DDX60L: variants seen among roughly 807,000 people sequenced by gnomAD.
DDX60L encodes the protein DExD/H-box 60 like.
DDX60L carries 191 observed loss-of-function variants against 211.6 expected under a neutral mutation model. That is an observed-to-expected ratio of 0.90 (90% confidence interval 0.80 to 1.02). DDX60L has a LOEUF of 1.02. Among genes scored for constraint, DDX60L ranks in the 50% least tolerant of loss-of-function variants. The probability of loss-of-function intolerance (pLI) is 0.00; values close to 1 mark genes in which losing one functional copy is unlikely to be tolerated. For synonymous variants in DDX60L, 706 were observed against 694.1 expected (o/e 1.02, Z -0.27); for missense variants, 2,007 against 1,984.1 (o/e 1.01, Z -0.22).
At chr4:168,396,439 C>T (rs1032706040) in intron 26 of DDX60L, among the ~76,000 whole-genome samples, 4 of 152,124 alleles carry the variant, frequency 2.6e-5, no homozygotes, top group East Asian at 1.9e-4. Flanking sequence ...GGCCAGAGCA[C>T]AGTGGAAAAG....
intron 4 of DDX60L, 140 bp downstream of exon 4, chr4:168,471,607 G>C: frequency 6.8e-6 from 4 of 591,864 alleles, no homozygotes; most frequent in Non-Finnish European, 1.1e-5. Context: ...TGAAATTATG[G>C]GTAATTTTTT....
intron 4 of DDX60L, among the ~76,000 whole-genome samples, chr4:168,464,075 G>A (rs996357060): frequency 3.3e-5 from 5 of 152,110 alleles, no homozygotes; most frequent in Admixed American, 6.6e-5. Flanking sequence ...AGATGGTTGA[G>A]GGAAGTCTCC....
intron 8 of DDX60L, among the ~76,000 whole-genome samples, chr4:168,451,068 G>T (rs1414383004): frequency 6.6e-6 from 1 of 152,054 alleles, no homozygotes; most frequent in South Asian, 2.1e-4. Flanking sequence ...TGAACTCTAA[G>T]ATATCATATT....
chr4:168,363,865 C>T (rs2634935), intron 36 of DDX60L, among the ~76,000 whole-genome samples: 109,964 of 152,106 alleles, frequency 0.72, 40,792 homozygotes, highest in East Asian at 0.85. Flanking sequence ...CTTATAATTA[C>T]CTCGAAAATA....
chr4:168,429,989 G>A (rs62334149), intron 13 of DDX60L, among the ~76,000 whole-genome samples: 17,306 of 152,208 alleles, frequency 0.11, 1,392 homozygotes, highest in Non-Finnish European at 0.16. Context: ...CCTGAGGTCG[G>A]GAGTTCGAGA....
At chr4:168,394,358 C>T in intron 28 of DDX60L, 107 bp downstream of exon 28, 1 of 783,902 alleles carries the variant, frequency 1.3e-6, no homozygotes, top group Non-Finnish European at 2.0e-6. Context: ...AATAAAAAGA[C>T]ACTGGTTAGA....
chr4:168,425,181 C>CT (rs1406669244), intron 14 of DDX60L, among the ~76,000 whole-genome samples: 1 of 152,152 alleles, frequency 6.6e-6, no homozygotes, highest in Non-Finnish European at 1.5e-5. Flanking sequence ...AATAAACTAT[C>CT]TTTTTTAAGC....
chr4:168,421,654 C>CA (rs1380928154), intron 17 of DDX60L, 106 bp downstream of exon 17: 16 of 1,470,236 alleles, frequency 1.1e-5, no homozygotes, highest in African/African-American at 1.4e-5. Context: ...GACTCTGTCT[C>CA]AAAAATAAAA....
intron 8 of DDX60L, among the ~76,000 whole-genome samples, chr4:168,449,059 C>T (rs905041641): frequency 1.3e-5 from 2 of 152,156 alleles, no homozygotes; most frequent in Non-Finnish European, 2.9e-5. Flanking sequence ...GATGACAATA[C>T]TAACACCTTT....
intron 10 of DDX60L, among the ~76,000 whole-genome samples, chr4:168,433,494 T>C (rs997170009): frequency 6.6e-6 from 1 of 152,130 alleles, no homozygotes; most frequent in Non-Finnish European, 1.5e-5. Flanking sequence ...AAAGCCTCCA[T>C]GAAAATTAAA....
rs772468690 is a variant in DDX60L, at chr4:168,419,349, G to A, written c.2563C>T (p.His855Tyr). Residue 855 changes from histidine to tyrosine, a missense_variant, in exon 19 of 38, where the codon CAT (histidine) becomes TAT (tyrosine). Physicochemically the swap from His to Tyr is moderately conservative, Grantham distance 83. Coordinates refer to ENST00000682922, the MANE Select transcript of DDX60L (RefSeq NM_001012967.3). ...ATCCTTTCCACCCATTTTTGGCGAT[G>A]AGGAGCAAGCAACAGGATTTCAAAA... Reference protein sequence around the residue: ...ECFEILLLAPHRQKWVERIRY... With the variant: ...ECFEILLLAPYRQKWVERIRY... The A allele has an allele frequency of 1.9e-6, 3 of 1,599,280 alleles. No homozygotes were observed. The highest frequency in any genetic ancestry group is 2.2e-5 in the East Asian group (1 of 44,616).
intron 33 of DDX60L, among the ~76,000 whole-genome samples, chr4:168,378,125 T>C (rs1318107383): frequency 6.6e-6 from 1 of 152,222 alleles, no homozygotes; most frequent in Non-Finnish European, 1.5e-5. Flanking sequence ...AATTACATAA[T>C]TTGCTCCAAT....
intron 19 of DDX60L, among the ~76,000 whole-genome samples, chr4:168,418,988 T>C (rs1750025924): frequency 6.6e-6 from 1 of 152,246 alleles, no homozygotes; most frequent in Admixed American, 6.5e-5. Context: ...GACATATCTA[T>C]AGAATCTCTC....
chr4:168,472,382 T>C (rs1319817847), intron 3 of DDX60L, 73 bp downstream of exon 3: 2 of 1,127,846 alleles, frequency 1.8e-6, no homozygotes, highest in African/African-American at 3.1e-5. Context: ...TATATGTATA[T>C]GGGTTAAGAG....
chr4:168,402,738 G>C (rs116346157), intron 25 of DDX60L, among the ~76,000 whole-genome samples: 3 of 152,084 alleles, frequency 2.0e-5, no homozygotes, highest in Non-Finnish European at 2.9e-5. Flanking sequence ...GTCCAGATTA[G>C]GGAAGGGAAG....
chr4:168,363,210 C>T (rs1379563287), intron 36 of DDX60L, among the ~76,000 whole-genome samples: 1 of 152,120 alleles, frequency 6.6e-6, no homozygotes, highest in Admixed American at 6.5e-5. Context: ...TCCAGGAAAG[C>T]TATCCTTCAG....
At chr4:168,406,571 C>T in intron 23 of DDX60L, 31 bp downstream of exon 23, 1 of 1,492,876 alleles carries the variant, frequency 6.7e-7, no homozygotes, top group Non-Finnish European at 9.1e-7. Context: ...AACTAAAGTT[C>T]ATTTTGGTGA....
At chr4:168,469,729 T>A (rs1421811379) in intron 4 of DDX60L, 2 of 151,826 alleles carry the variant, frequency 1.3e-5, no homozygotes, top group African/African-American at 2.4e-5. Context: ...TACAAAAAAA[T>A]TAGCCGGGCA....
In DDX60L at chr4:168,379,519, C is replaced by G. The variant is rs772433566; in HGVS notation, c.4222-15G>C. 3.7e-5 allele frequency: 57 copies of G among 1,529,490 alleles called. No homozygotes were observed. The highest frequency in any genetic ancestry group is 1.8e-4 in the Middle Eastern group (1 of 5,630). 94.7% of individuals were successfully genotyped at this position (1,529,490 alleles called of 1,614,324 possible). A position where few individuals can be genotyped will look rare whatever the true frequency, so the allele number is the denominator to read the frequency against. The stretch of plus-strand genomic sequence containing the variant: ...TTTAAATAGTCCTAAAAATGAGAAA[C>G]AAAAAGTTGATTTAACTTGTCATGT... On this transcript the variant is annotated splice_polypyrimidine_tract_variant and intron_variant, in intron 31 of 37. Transcript: ENST00000682922.
Sources: allele counts gnomAD v4.1 joint callset (sites outside exome capture counted in the v4.1 genomes callset), GRCh38; gene constraint gnomAD v4.1.1; transcripts MANE v1.5; gene names NCBI Gene and HGNC (gene_info 2026-07-23, HGNC 2026-07-21).